The following ATP2B4 variants were observed in gnomAD, a reference collection of about 807,000 sequenced individuals.
ATP2B4 encodes ATPase plasma membrane Ca2+ transporting 4.
ATP2B4 carries 39 observed loss-of-function variants against 110.3 expected under a neutral mutation model. That is an observed-to-expected ratio of 0.35 (90% confidence interval 0.27 to 0.46). The LOEUF is 0.46. Among genes scored for constraint, ATP2B4 ranks in the 20% least tolerant of loss-of-function variants. The pLI is 1.00. For synonymous variants in ATP2B4, 538 were observed against 571.7 expected (o/e 0.94, Z 0.84); for missense variants, 1,135 against 1,530.9 (o/e 0.74, Z 4.32).
intron 1 of ATP2B4, among the ~76,000 whole-genome samples, chr1:203,635,226 A>G (rs897632045): frequency 3.3e-5 from 5 of 152,006 alleles, no homozygotes; most frequent in African/African-American, 1.2e-4. Context: ...CACCCTCCTC[A>G]GCCTCCCAAA....
In ATP2B4 at chr1:203,735,959, C is replaced by G. The variant is rs1195344234; in HGVS notation, c.3310-3587C>G. Reference sequence around the variant, plus strand: ...AGGGTGTGCTCCAAATCCTCAAAGACTAGATCAGAGGAGAGACAGGCCACA... The same window carrying G: ...AGGGTGTGCTCCAAATCCTCAAAGAGTAGATCAGAGGAGAGACAGGCCACA... On this transcript the variant is annotated intron_variant, in intron 20 of 20. Transcript: ENST00000357681. Among the ~76,000 whole-genome samples the G allele has an allele frequency of 5.3e-5, 8 of 152,182 alleles. No individual in the cohort carries two copies. In the East Asian group the frequency reaches 1.5e-3, roughly 29 times the overall value.
chr1:203,668,298 G>A (rs1664567007), intron 1 of ATP2B4, among the ~76,000 whole-genome samples: 1 of 152,074 alleles, frequency 6.6e-6, no homozygotes, highest in Non-Finnish European at 1.5e-5. Flanking sequence ...AGATTGTAGT[G>A]CCTTTTTAAT....
chr1:203,736,824 T>C (rs1391556960), intron 20 of ATP2B4, among the ~76,000 whole-genome samples: 1 of 152,144 alleles, frequency 6.6e-6, no homozygotes, highest in Non-Finnish European at 1.5e-5. Flanking sequence ...TTGGTGGTGA[T>C]ATAGTGCATG....
chr1:203,669,957 G>C (rs1163900144), intron 1 of ATP2B4, among the ~76,000 whole-genome samples: 1 of 152,172 alleles, frequency 6.6e-6, no homozygotes, highest in Admixed American at 6.5e-5. Context: ...ACAATGACCA[G>C]CTGGGGCTGA....
Position 203,686,685 on chromosome 1 carries a change from C to CTTTTTTTTTTTTTTTTTTT in ATP2B4, c.193+3295_193+3313dup, listed in dbSNP as rs779048789. On this transcript the variant is annotated intron_variant, in intron 2 of 20. Transcript: ENST00000357681. ...CCTGGTGTTTTTCTTTCTTTTCTTT[C>CTTTTTTTTTTTTTTTTTTT]TTTTTTTTTTTTTTTTTTTTTTTTT... Among the ~76,000 whole-genome samples, 188 of 42,768 alleles carry CTTTTTTTTTTTTTTTTTTT rather than the reference C, an allele frequency of 4.4e-3. 18 individuals are homozygous for CTTTTTTTTTTTTTTTTTTT. The highest frequency in any genetic ancestry group is 0.028 in the East Asian group (13 of 462). 28.1% of individuals were successfully genotyped at this position (42,768 alleles called of 152,430 possible). A position where few individuals can be genotyped will look rare whatever the true frequency, so the allele number is the denominator to read the frequency against.
chr1:203,678,772 G>A (rs988877078), intron 1 of ATP2B4, among the ~76,000 whole-genome samples: 1 of 152,114 alleles, frequency 6.6e-6, no homozygotes, highest in Non-Finnish European at 1.5e-5. Flanking sequence ...TCAAGAGAAG[G>A]AGCAAAGTGT....
At chr1:203,717,626 T>TTTATTTATTTATTTA in intron 15 of ATP2B4, among the ~76,000 whole-genome samples, 3 of 144,226 alleles carry the variant, frequency 2.1e-5, no homozygotes, top group South Asian at 4.5e-4. Context: ...ATGGTATTTA[T>TTTATTTATTTATTTA]TTTATTTATT....
chr1:203,654,423 C>T (rs1388325375), intron 1 of ATP2B4, among the ~76,000 whole-genome samples: 2 of 152,208 alleles, frequency 1.3e-5, no homozygotes, highest in Non-Finnish European at 2.9e-5. Flanking sequence ...CTTGCTAACA[C>T]AAAATCTATT....
intron 3 of ATP2B4, among the ~76,000 whole-genome samples, chr1:203,698,702 G>A (rs906057754): frequency 6.6e-6 from 1 of 151,918 alleles, no homozygotes; most frequent in African/African-American, 2.4e-5. Flanking sequence ...GGGTGCAGCA[G>A]CTTAATCTGG....
Position 203,727,480 on chromosome 1 carries a change from C to T in ATP2B4, c.3218C>T (p.Ala1073Val), listed in dbSNP as rs780925126. 6.2e-7 allele frequency: 1 copy of T among 1,614,218 alleles called. No homozygotes were observed. Among genetic ancestry groups the T allele is most frequent in the South Asian group, 1.1e-5 (1 of 91,082 alleles). The part of the protein sequence containing the change: ...GTTKEEITKD[A>V]EGLDEIDHAE... ...ACCAAAGAGGAGATCACCAAGGATG[C>T]CGAGGGACTGGATGAGATTGACCAT... The change falls in exon 20 of 21, where the codon GCC becomes GTC. Residue 1073 changes from alanine (A) to valine (V), a missense_variant. Transcript: ENST00000357681.
chr1:203,669,536 A>G (rs1027863282), intron 1 of ATP2B4, among the ~76,000 whole-genome samples: 1 of 152,232 alleles, frequency 6.6e-6, no homozygotes, highest in East Asian at 1.9e-4. Context: ...TCTCAGGTTC[A>G]AGCGATTCTC....
At position 203,699,676 on chromosome 1, in the gene ATP2B4, T is replaced by C. The variant is rs1287645436; in HGVS notation, c.608T>C (p.Val203Ala). 5 of 1,614,180 alleles carry C rather than the reference T, an allele frequency of 3.1e-6. No individual in the cohort carries two copies. In the East Asian group the frequency reaches 1.1e-4, roughly 36 times the overall value. The change falls in exon 4 of 21, where the codon GTG becomes GCG. Residue 203 changes from valine (V) to alanine (A), a missense_variant. Physicochemically the swap from Val to Ala is moderately conservative, Grantham distance 64 (BLOSUM62 0). Coordinates refer to ENST00000357681, the MANE Select transcript of ATP2B4 (RefSeq NM_001684.5). ...AACGGTCAACTCATCCAGCTCCCTG[T>C]GGCTGAGATTGTGGTTGGTGATATT... Reference protein sequence around the residue: ...IRNGQLIQLPVAEIVVGDIAQ... With the variant: ...IRNGQLIQLPAAEIVVGDIAQ...
In ATP2B4 at chr1:203,709,189, A is replaced by G. The variant is rs1313040826; in HGVS notation, c.1558-112A>G. 7 of 1,307,790 alleles carry G rather than the reference A, an allele frequency of 5.4e-6. No homozygotes were observed. In the East Asian group the frequency reaches 1.2e-4, roughly 22 times the overall value. The allele number at this position is 1,307,790 out of a possible 1,614,324, so 81.0% of individuals were successfully genotyped here. ...GAAAAAAAAAAATGTTATTTCCCCT[A>G]TGAGCTCCAGGTATATAATGTGAAG... On this transcript the variant is annotated intron_variant, in intron 10 of 20. Transcript: ENST00000357681.
chr1:203,693,435 C>T (rs1261163330), intron 2 of ATP2B4, among the ~76,000 whole-genome samples: 1 of 152,134 alleles, frequency 6.6e-6, no homozygotes, highest in Admixed American at 6.5e-5. Flanking sequence ...TGCTATTGTA[C>T]AAGCTCAGGG....
Position 203,700,187 on chromosome 1 carries a change from C to T in ATP2B4, c.650-19C>T. 1 of 1,608,664 alleles carries T rather than the reference C, an allele frequency of 6.2e-7. No individual in the cohort carries two copies. The highest frequency in any genetic ancestry group is 8.5e-7 in the Non-Finnish European group (1 of 1,177,122). Reference sequence around the variant, plus strand: ...CTTACTATCTCCTTCACTGTCCCTCCTTCCCCTTTGTGCTCTAGGTGATCT... The same window carrying T: ...CTTACTATCTCCTTCACTGTCCCTCTTTCCCCTTTGTGCTCTAGGTGATCT... On this transcript the variant is annotated intron_variant, in intron 4 of 20. Coordinates refer to ENST00000357681, the MANE Select transcript of ATP2B4 (RefSeq NM_001684.5).
chr1:203,633,807 AT>A (rs1342781466), intron 1 of ATP2B4, among the ~76,000 whole-genome samples: 13 of 152,072 alleles, frequency 8.5e-5, no homozygotes, highest in African/African-American at 3.1e-4. Flanking sequence ...ATTTAATTTT[AT>A]GTGAGGCTGA....
intron 19 of ATP2B4, among the ~76,000 whole-genome samples, chr1:203,725,050 G>T (rs1178341493): frequency 6.8e-6 from 1 of 146,756 alleles, no homozygotes; most frequent in African/African-American, 2.5e-5. Flanking sequence ...GCTAATTTTT[G>T]TATTTTTACT....
intron 1 of ATP2B4, among the ~76,000 whole-genome samples, chr1:203,654,537 G>A (rs1664099816): frequency 6.6e-6 from 1 of 152,172 alleles, no homozygotes; most frequent in African/African-American, 2.4e-5. Flanking sequence ...TCCTCTGATG[G>A]ATCTGGGCAA....
At chr1:203,725,204 A>G (rs909323122) in intron 19 of ATP2B4, among the ~76,000 whole-genome samples, 2 of 147,194 alleles carry the variant, frequency 1.4e-5, no homozygotes, top group African/African-American at 5.1e-5. Flanking sequence ...CTGGAGTGCA[A>G]TGGTGCAATC....
Sources: gnomAD v4.1 joint callset for allele counts (sites outside exome capture counted in the v4.1 genomes callset) on GRCh38, gnomAD v4.1.1 for gene constraint, MANE v1.5 for transcripts, NCBI Gene and HGNC (gene_info 2026-07-23, HGNC 2026-07-21) for gene names.